PALS1: variants seen among roughly 807,000 people sequenced by gnomAD.
The protein encoded by PALS1 is protein associated with LIN7 1, MAGUK p55 family member.
Under a neutral mutation model 78.9 loss-of-function variants are expected in PALS1, and 31 were observed. That is an observed-to-expected ratio of 0.39 (90% CI 0.30 to 0.53). The LOEUF (loss-of-function observed/expected upper bound fraction) is 0.53. PALS1 is among the 20% of genes least tolerant of loss of function. The pLI is 0.67. For missense variants in PALS1, 704 were observed against 826.5 expected, an observed-to-expected ratio of 0.85 and a Z score of 1.82; for synonymous variants, 276 against 270.9, an observed-to-expected ratio of 1.02 and a Z score of -0.18.
At chr14:67,259,903 T>C (rs1343090708) in intron 1 of PALS1, among the ~76,000 whole-genome samples, 1 of 150,972 alleles carries the variant, frequency 6.6e-6, no homozygotes, top group Non-Finnish European at 1.5e-5. Flanking sequence ...AAAAAGAATA[T>C]ATGTATTTCG....
At chr14:67,308,092 G>A (rs1310300340) in intron 8 of PALS1, among the ~76,000 whole-genome samples, 1 of 152,080 alleles carries the variant, frequency 6.6e-6, no homozygotes, top group African/African-American at 2.4e-5. Context: ...GTAGAGGGCA[G>A]GGGGAGGGAG....
Position 67,303,582 on chromosome 14 carries a change from C to A in PALS1, c.1024C>A (p.Pro342Thr). 2 of 1,613,270 alleles carry A rather than the reference C, an allele frequency of 1.2e-6. No individual in the cohort carries two copies. The highest frequency in any genetic ancestry group is 1.7e-6 in the Non-Finnish European group (2 of 1,179,280). The change falls in exon 8 of 15, where the codon CCT becomes ACT. Residue 342 changes from proline (P) to threonine (T), a missense_variant. Physicochemically the swap from Pro to Thr is conservative, Grantham distance 38. Coordinates refer to ENST00000261681, the MANE Select transcript of PALS1 (RefSeq NM_022474.4). ...TCCCAGTCAACAGATCAAGCCGCCTCCTGCCAAGGAAACAGTAGTAAGTGA... is the reference window on the plus strand; with the variant it reads ...TCCCAGTCAACAGATCAAGCCGCCTACTGCCAAGGAAACAGTAGTAAGTGA... Reference protein sequence around the residue: ...LIPSQQIKPPPAKETVIHVKA... With the variant: ...LIPSQQIKPPTAKETVIHVKA...
chr14:67,299,825 A>G (rs1196513121), intron 4 of PALS1, among the ~76,000 whole-genome samples: 2 of 152,236 alleles, frequency 1.3e-5, no homozygotes. Context: ...GAAAATTATT[A>G]TTGAGCTGAC....
intron 4 of PALS1, among the ~76,000 whole-genome samples, chr14:67,298,404 A>C (rs1747234344): frequency 6.6e-6 from 1 of 151,760 alleles, no homozygotes; most frequent in African/African-American, 2.4e-5. Context: ...AATCCCAGCT[A>C]CTCAGGAGTC....
chr14:67,263,849 T>A (rs1419987028), intron 1 of PALS1, among the ~76,000 whole-genome samples: 2 of 111,912 alleles, frequency 1.8e-5, no homozygotes, highest in Non-Finnish European at 3.1e-5. Flanking sequence ...ACCATTTAAA[T>A]AATTGTTCTG....
chr14:67,313,494 T>C (rs2085124692), intron 9 of PALS1, among the ~76,000 whole-genome samples: 1 of 152,160 alleles, frequency 6.6e-6, no homozygotes, highest in Non-Finnish European at 1.5e-5. Context: ...TGACTGTATG[T>C]AGATATAATT....
At chr14:67,322,175 A>G (rs1172078204) in intron 13 of PALS1, among the ~76,000 whole-genome samples, 1 of 152,020 alleles carries the variant, frequency 6.6e-6, no homozygotes, top group Non-Finnish European at 1.5e-5. Flanking sequence ...GCAAAGCCCC[A>G]TCTCTACCAA....
chr14:67,242,264 T>C (rs536723866), intron 1 of PALS1, among the ~76,000 whole-genome samples: 1 of 152,330 alleles, frequency 6.6e-6, no homozygotes, highest in African/African-American at 2.4e-5. Flanking sequence ...AAGGTTTTTC[T>C]TGGCAGTTTA....
intron 9 of PALS1, among the ~76,000 whole-genome samples, chr14:67,316,330 CACAT>C (rs911711706): frequency 7.9e-5 from 12 of 152,020 alleles, no homozygotes; most frequent in South Asian, 4.1e-4. Context: ...AAATGGCTAA[CACAT>C]ATACATACAC....
chr14:67,243,798 T>C (rs573027686), intron 1 of PALS1, among the ~76,000 whole-genome samples: 1 of 152,306 alleles, frequency 6.6e-6, no homozygotes, highest in Admixed American at 6.5e-5. Flanking sequence ...GCCCAGCCCT[T>C]ATGATTTTTG....
At chr14:67,318,239 C>T (rs1161853668) in intron 11 of PALS1, among the ~76,000 whole-genome samples, 1 of 152,162 alleles carries the variant, frequency 6.6e-6, no homozygotes, top group East Asian at 1.9e-4. Flanking sequence ...GGGAGCAGCA[C>T]ACATTAAACT....
At chr14:67,310,775 A>C (rs1778733581) in intron 8 of PALS1, among the ~76,000 whole-genome samples, 2 of 152,212 alleles carry the variant, frequency 1.3e-5, no homozygotes, top group South Asian at 4.1e-4. Flanking sequence ...TATTCTTTGA[A>C]ATTAAAAAAT....
At chr14:67,258,017 CT>C (rs1435742262) in intron 1 of PALS1, among the ~76,000 whole-genome samples, 2 of 151,850 alleles carry the variant, frequency 1.3e-5, no homozygotes, top group Non-Finnish European at 2.9e-5. Context: ...GGAAAAATCT[CT>C]CTCCTCTTGA....
In PALS1 at chr14:67,254,872, C is replaced by T. The variant is rs116680862; in HGVS notation, c.-237+13339C>T. Among the ~76,000 whole-genome samples, 859 of 152,286 alleles carry T rather than the reference C, an allele frequency of 5.6e-3. 8 individuals are homozygous for T. The highest frequency in any genetic ancestry group is 0.02 in the African/African-American group (817 of 41,570). ...GAAGTTAGAAGTTGGAATCTCTGGC[C>T]GGGCGCAGTGGCTCACACCTGTAAT... On this transcript the variant is annotated intron_variant, in intron 1 of 14. Coordinates refer to ENST00000261681, the MANE Select transcript of PALS1 (RefSeq NM_022474.4).
At chr14:67,285,389 C>G (rs1273974427) in intron 3 of PALS1, among the ~76,000 whole-genome samples, 2 of 128,470 alleles carry the variant, frequency 1.6e-5, no homozygotes, top group Non-Finnish European at 3.1e-5. Context: ...TTTTTTGAGA[C>G]GGAGTCTCGC....
chr14:67,317,278 C>T (rs1404299203), intron 10 of PALS1, 130 bp from the exon 11 acceptor site: 5 of 734,512 alleles, frequency 6.8e-6, no homozygotes, highest in African/African-American at 3.7e-5. Flanking sequence ...GCGTGGCCAA[C>T]ATATGGAGAT....
chr14:67,303,062 G>A (rs1488131554), intron 7 of PALS1, among the ~76,000 whole-genome samples: 1 of 152,180 alleles, frequency 6.6e-6, no homozygotes, highest in African/African-American at 2.4e-5. Context: ...TTAAAATTCA[G>A]TTCCTTATTC....
chr14:67,259,847 G>C (rs1297392884), intron 1 of PALS1, among the ~76,000 whole-genome samples: 1 of 150,276 alleles, frequency 6.7e-6, no homozygotes, highest in African/African-American at 2.5e-5. Flanking sequence ...AGGAGTTTGA[G>C]GCTGCAGTGA....
rs57594216 is a variant in PALS1 at position 67,323,232 on chromosome 14, C to CATGTGTGTGT, written c.1741-470_1741-469insATGTGTGTGT. Among the ~76,000 whole-genome samples the CATGTGTGTGT allele has an allele frequency of 2.0e-3, 283 of 143,614 alleles. 1 individual carries two copies. The highest frequency in any genetic ancestry group is 6.9e-3 in the African/African-American group (266 of 38,444). The allele number at this position is 143,614 out of a possible 152,430, so 94.2% of individuals were successfully genotyped here. On this transcript the variant is annotated intron_variant, in intron 13 of 14. Coordinates refer to ENST00000261681, the MANE Select transcript of PALS1 (RefSeq NM_022474.4). ...ATATACATATATACACATATATACA[C>CATGTGTGTGT]GTGTGTGTGTGTGTGTGTGTGTGTG...
Sources: allele counts gnomAD v4.1 joint callset (sites outside exome capture counted in the v4.1 genomes callset), GRCh38; gene constraint gnomAD v4.1.1; transcripts MANE v1.5; gene names NCBI Gene and HGNC (gene_info 2026-07-23, HGNC 2026-07-21).